Variants in ATRNL1 observed in about 807,000 individuals in gnomAD.
ATRNL1 encodes the protein attractin like 1.
Under a neutral mutation model 182.7 loss-of-function variants are expected in ATRNL1, and 95 were observed. That is an observed-to-expected ratio of 0.52 (90% CI 0.44 to 0.62). The LOEUF is 0.62. Among genes scored for constraint, ATRNL1 ranks in the 20% least tolerant of loss-of-function variants. The pLI is 0.00. For missense variants in ATRNL1, 1,471 were observed against 1,679.5 expected, an observed-to-expected ratio of 0.88 and a Z score of 2.17; for synonymous variants, 576 against 568.3, an observed-to-expected ratio of 1.01 and a Z score of -0.19.
intron 27 of ATRNL1, among the ~76,000 whole-genome samples, chr10:115,769,977 G>C (rs889080596): frequency 6.6e-6 from 1 of 152,080 alleles, no homozygotes; most frequent in Non-Finnish European, 1.5e-5. Flanking sequence ...AGCTAATGCA[G>C]CTTAAGCCTA....
At chr10:115,879,645 C>T (rs926815408) in intron 28 of ATRNL1, among the ~76,000 whole-genome samples, 1 of 152,090 alleles carries the variant, frequency 6.6e-6, no homozygotes, top group Admixed American at 6.6e-5. Context: ...GGTAAATAAA[C>T]AGAAAATAAA....
intron 27 of ATRNL1, among the ~76,000 whole-genome samples, chr10:115,830,424 C>T (rs545463482): frequency 6.6e-6 from 1 of 152,228 alleles, no homozygotes; most frequent in East Asian, 1.9e-4. Context: ...GTATCTTGCA[C>T]ATAGGCCATG....
intron 26 of ATRNL1, among the ~76,000 whole-genome samples, chr10:115,649,259 A>C (rs1555033667): frequency 6.6e-6 from 1 of 152,180 alleles, no homozygotes; most frequent in Non-Finnish European, 1.5e-5. Flanking sequence ...AGTTAAATTT[A>C]ACAGCAACAT....
At chr10:115,108,826 G>A (rs550767553) in intron 1 of ATRNL1, among the ~76,000 whole-genome samples, 7 of 152,128 alleles carry the variant, frequency 4.6e-5, no homozygotes, top group Non-Finnish European at 8.8e-5. Flanking sequence ...CTTGTTCTCT[G>A]ACTAAGTAAT....
chr10:115,565,232 A>G (rs573539593), intron 26 of ATRNL1, among the ~76,000 whole-genome samples: 3 of 152,204 alleles, frequency 2.0e-5, no homozygotes, highest in Admixed American at 2.0e-4. Context: ...TGAGAATTTC[A>G]GTAGGAAATT....
chr10:115,525,335 A>C (rs1310037004), intron 25 of ATRNL1, among the ~76,000 whole-genome samples: 1 of 152,104 alleles, frequency 6.6e-6, no homozygotes, highest in Non-Finnish European at 1.5e-5. Context: ...AATTATGGTA[A>C]TTGTGGTTTC....
In ATRNL1 at chr10:115,389,542, A is replaced by ATATATATATATATATATG. The variant is rs1843875320; in HGVS notation, c.3176-5100_3176-5099insGTATATATATATATATAT. ...GAATAGTATTCAAATGTGTATGTGT[A>ATATATATATATATATATG]TATATATATATATATATATATATAT... On this transcript the variant is annotated intron_variant, in intron 19 of 28. Coordinates refer to ENST00000355044, the MANE Select transcript of ATRNL1 (RefSeq NM_207303.4). Among the ~76,000 whole-genome samples, 30 of 10,272 alleles carry ATATATATATATATATATG rather than the reference A, an allele frequency of 2.9e-3. 2 individuals are homozygous for ATATATATATATATATATG. The highest frequency in any genetic ancestry group is 3.9e-3 in the Non-Finnish European group (22 of 5,634). The allele number at this position is 10,272 out of a possible 152,430, so 6.7% of individuals were successfully genotyped here.
intron 13 of ATRNL1, among the ~76,000 whole-genome samples, chr10:115,271,501 A>C (rs1443343821): frequency 6.6e-6 from 1 of 151,956 alleles, no homozygotes; most frequent in Non-Finnish European, 1.5e-5. Context: ...CATTTGACCC[A>C]GCCATCCCGT....
intron 14 of ATRNL1, among the ~76,000 whole-genome samples, chr10:115,282,195 A>C (rs1852398391): frequency 6.8e-6 from 1 of 146,822 alleles, no homozygotes; most frequent in Admixed American, 6.9e-5. Context: ...TATAAATTAT[A>C]TTTTAATATA....
intron 28 of ATRNL1, among the ~76,000 whole-genome samples, chr10:115,897,204 A>G (rs1443661223): frequency 5.9e-5 from 9 of 152,214 alleles, no homozygotes; most frequent in African/African-American, 2.2e-4. Flanking sequence ...CAATCTTGCT[A>G]ATAATTAAGG....
intron 24 of ATRNL1, among the ~76,000 whole-genome samples, chr10:115,489,378 C>T (rs1379136395): frequency 6.6e-6 from 1 of 152,124 alleles, no homozygotes. Flanking sequence ...TTGTGGGCCT[C>T]TAAGGACTTG....
At chr10:115,812,247 C>A (rs1380978538) in intron 27 of ATRNL1, among the ~76,000 whole-genome samples, 2 of 152,060 alleles carry the variant, frequency 1.3e-5, no homozygotes, top group Non-Finnish European at 2.9e-5. Context: ...CCTTTTAATT[C>A]ATCTATTTAG....
chr10:115,765,972 CT>C (rs1948848299), intron 27 of ATRNL1, among the ~76,000 whole-genome samples: 2 of 7,626 alleles, frequency 2.6e-4, no homozygotes, highest in Non-Finnish European at 0.01. Context: ...ATTAACCATC[CT>C]TTCCCCCCCC....
At chr10:115,848,880 A>G (rs1357251082) in intron 28 of ATRNL1, among the ~76,000 whole-genome samples, 2 of 152,208 alleles carry the variant, frequency 1.3e-5, no homozygotes, top group Non-Finnish European at 1.5e-5. Context: ...AGCATAAAAT[A>G]AAATGCCAGC....
At chr10:115,299,724 C>T (rs782248811) in intron 15 of ATRNL1, among the ~76,000 whole-genome samples, 9 of 152,036 alleles carry the variant, frequency 5.9e-5, no homozygotes, top group African/African-American at 1.9e-4. Context: ...TTTAAATAAT[C>T]CTACCTTATC....
At chr10:115,587,497 A>G (rs1279859970) in intron 26 of ATRNL1, among the ~76,000 whole-genome samples, 4 of 151,652 alleles carry the variant, frequency 2.6e-5, no homozygotes, top group African/African-American at 7.3e-5. Context: ...AAAGCGCAGT[A>G]TTCAGGTGGG....
At chr10:115,713,684 T>TCTATCTATCTAC (rs1334382144) in intron 26 of ATRNL1, among the ~76,000 whole-genome samples, 122 of 110,614 alleles carry the variant, frequency 1.1e-3, no homozygotes, top group African/African-American at 3.6e-3. Flanking sequence ...TTTCTATCTA[T>TCTATCTATCTAC]CTATCTATCT....
At chr10:115,470,145 G>A (rs1848236580) in intron 24 of ATRNL1, among the ~76,000 whole-genome samples, 1 of 150,254 alleles carries the variant, frequency 6.7e-6, no homozygotes, top group African/African-American at 2.4e-5. Context: ...AACTAGAAAT[G>A]TTTGCAGGTT....
chr10:115,736,224 A>G (rs963181051), intron 27 of ATRNL1, among the ~76,000 whole-genome samples: 5 of 151,992 alleles, frequency 3.3e-5, no homozygotes, highest in Admixed American at 1.3e-4. Flanking sequence ...CTCCTTCTCA[A>G]TGCTGTTTCT....
Sources: allele counts gnomAD v4.1 joint callset (sites outside exome capture counted in the v4.1 genomes callset), GRCh38; gene constraint gnomAD v4.1.1; transcripts MANE v1.5; gene names NCBI Gene and HGNC (gene_info 2026-07-23, HGNC 2026-07-21).